DGKQ: variants seen among roughly 807,000 people sequenced by gnomAD.
DGKQ encodes the protein diacylglycerol kinase theta.
DGKQ carries 97 observed loss-of-function variants against 104.2 expected under a neutral mutation model. The ratio of observed to expected loss-of-function variants is 0.93; its 90% CI spans 0.79 to 1.10. DGKQ has a LOEUF of 1.10. DGKQ is among the 50% of genes least tolerant of loss of function. DGKQ has a pLI of 0.00. For missense variants in DGKQ, 1,465 were observed against 1,352.1 expected (o/e 1.08, Z -1.31); for synonymous variants, 736 against 595.2 (o/e 1.24, Z -3.44).
chr4:973,182 G>A (rs754535903), intron 1 of DGKQ, 30 bp downstream of exon 1: 2 of 1,516,378 alleles, frequency 1.3e-6, no homozygotes, highest in Non-Finnish European at 8.8e-7. Context: ...CAGGGCTGCA[G>A]CCGGGTAGGC....
chr4:966,883 T>G, intron 10 of DGKQ, 81 bp from the exon 11 acceptor site: 4 of 1,555,436 alleles, frequency 2.6e-6, no homozygotes. Flanking sequence ...ACGCCTGGGC[T>G]GGGATGGTGG....
intron 1 of DGKQ, among the ~76,000 whole-genome samples, chr4:972,478 C>G (rs1255917268): frequency 6.6e-6 from 1 of 152,214 alleles, no homozygotes; most frequent in Non-Finnish European, 1.5e-5. Context: ...GATAGCCCCT[C>G]CCACCTCAGC....
In DGKQ at chr4:962,798, G is replaced by A. The variant is rs771034111; in HGVS notation, c.2009C>T (p.Ser670Phe). 3 of 1,606,010 alleles carry A rather than the reference G, an allele frequency of 1.9e-6. No homozygotes were observed. Among genetic ancestry groups the A allele is most frequent in the African/African-American group, 1.3e-5 (1 of 74,856 alleles). Reference sequence around the variant, plus strand: ...TGTGCCCAGGGGCAGGATGGCCACAGAAGGCTCCGGGCAGGCCAGTCGGTA... The same window carrying A: ...TGTGCCCAGGGGCAGGATGGCCACAAAAGGCTCCGGGCAGGCCAGTCGGTA... ...TRYRLACPEP[S>F]VAILPLGTGN... Residue 670 changes from serine to phenylalanine, a missense_variant, in exon 17 of 23, where the codon TCT (serine) becomes TTT (phenylalanine). Transcript: ENST00000273814.
Position 960,848 on chromosome 4 carries a change from G to A in DGKQ, c.2728-127C>T, listed in dbSNP as rs919879511. 4 of 1,484,500 alleles carry A rather than the reference G, an allele frequency of 2.7e-6. No homozygotes were observed. In the Admixed American group the frequency reaches 6.5e-5, roughly 24 times the overall value. 92.0% of individuals were successfully genotyped at this position (1,484,500 alleles called of 1,614,324 possible). A position where few individuals can be genotyped will look rare whatever the true frequency, so the allele number is the denominator to read the frequency against. ...TCAGCCCCATTTCACGGAAGGGGAG[G>A]GACCTGTCTGGCTGCTCCCTGTGCC... On this transcript the variant is annotated intron_variant, in intron 22 of 22. Transcript: ENST00000273814.
At chr4:968,246 GCCCCAC>G in intron 5 of DGKQ, 30 bp downstream of exon 5, 12 of 765,182 alleles carry the variant, frequency 1.6e-5, no homozygotes, top group Non-Finnish European at 2.1e-5. Flanking sequence ...CACCTCTCCT[GCCCCAC>G]CCCCACCCCC....
rs750576062 is a variant in DGKQ, at chr4:965,289, C to T, written c.1621G>A (p.Ala541Thr). 1.4e-5 allele frequency: 23 copies of T among 1,612,322 alleles called. No individual in the cohort carries two copies. Among genetic ancestry groups the T allele is most frequent in the Middle Eastern group, 1.6e-4 (1 of 6,082 alleles). The change falls in exon 15 of 23, where the codon GCG becomes ACG. Residue 541 changes from alanine to threonine, a missense_variant and splice_region_variant. Ala to Thr is a moderately conservative substitution (Grantham distance 58). Coordinates refer to ENST00000273814, the MANE Select transcript of DGKQ (RefSeq NM_001347.4). Reference sequence around the variant, plus strand: ...AAGCAGGCAACGTCCAACACTACCGCGCCTGCGGCAGGAGCCCAGGACTCA... The same window carrying T: ...AAGCAGGCAACGTCCAACACTACCGTGCCTGCGGCAGGAGCCCAGGACTCA... ...SVSHIYSSQG[A>T]VVLDVACFAE...
rs781760189 is a variant in DGKQ at position 962,439 on chromosome 4, G to T, written c.2210C>A (p.Pro737His). The change falls in exon 18 of 23, where the codon CCC becomes CAC. Residue 737 changes from proline to histidine, a missense_variant. By Grantham distance (77) the Pro-to-His change is moderately conservative. Coordinates refer to ENST00000273814, the MANE Select transcript of DGKQ (RefSeq NM_001347.4). ...CCACGCCGGGCTGCCCTGTACCTTG[G>T]GGGGCTCTGCGTCTGCCGTGTCGTT... ...AENDTADAEP[P>H]KIVQMSNYCG... is the part of the protein sequence containing the mutation. 2 of 1,573,564 alleles carry T rather than the reference G, an allele frequency of 1.3e-6. No individual in the cohort carries two copies. Among genetic ancestry groups the T allele is most frequent in the East Asian group, 2.3e-5 (1 of 42,820 alleles).
At chr4:966,135 C>G (rs1009315963) in intron 12 of DGKQ, 57 bp from the exon 13 acceptor site, 83 of 1,510,298 alleles carry the variant, frequency 5.5e-5, no homozygotes, top group Non-Finnish European at 7.0e-5. Flanking sequence ...CCGCACCAGG[C>G]CCTCTGTCTC....
rs1435202975 is a variant in DGKQ, at chr4:973,556, C to T, written c.-74G>A. Reference sequence around the variant, plus strand: ...GGAGCCGCCGCTCCACGGCCCGGTACACTGCTTCCGACTGCGCCTGCCCCA... The same window carrying T: ...GGAGCCGCCGCTCCACGGCCCGGTATACTGCTTCCGACTGCGCCTGCCCCA... On this transcript the variant is annotated 5_prime_UTR_variant, in exon 1 of 23. Transcript: ENST00000273814. 2 of 982,440 alleles carry T rather than the reference C, an allele frequency of 2.0e-6. No homozygotes were observed. Among genetic ancestry groups the T allele is most frequent in the Non-Finnish European group, 2.4e-6 (2 of 827,432 alleles). 60.9% of individuals were successfully genotyped at this position (982,440 alleles called of 1,614,324 possible).
chr4:961,622 G>T (rs750447635), intron 20 of DGKQ, 44 bp from the exon 21 acceptor site: 2 of 1,610,168 alleles, frequency 1.2e-6, no homozygotes, highest in African/African-American at 2.7e-5. Flanking sequence ...GTGCAGGCAG[G>T]ACGAGGGCTG....
At position 966,821 on chromosome 4, in the gene DGKQ, G is replaced by A. The variant is rs1402233757; in HGVS notation, c.1312-19C>T. The A allele has an allele frequency of 2.5e-6, 4 of 1,605,332 alleles. No homozygotes were observed. Among genetic ancestry groups the A allele is most frequent in the Non-Finnish European group, 2.5e-6 (3 of 1,176,568 alleles). The stretch of plus-strand genomic sequence containing the variant: ...TCTCGGCCTGTTGGGGTAGAGCTTG[G>A]CATCGGGTCTGGGCAGGCCCCCACC... On this transcript the variant is annotated intron_variant, in intron 10 of 22. Coordinates refer to ENST00000273814, the MANE Select transcript of DGKQ (RefSeq NM_001347.4).
In DGKQ at chr4:960,652, C is replaced by T. The variant is rs1341829644; in HGVS notation, c.2797G>A (p.Ala933Thr). ...AGTTRDARAD[A>T]APAPESDPR ...GGATCGCTCTCAGGGGCAGGCGCAG[C>T]ATCCGCCCGGGCATCCCTGGTGGTC... The change falls in exon 23 of 23, where the codon GCT (alanine) becomes ACT (threonine). Residue 933 changes from alanine (A) to threonine (T), a missense_variant. Coordinates refer to ENST00000273814, the MANE Select transcript of DGKQ (RefSeq NM_001347.4). The T allele has an allele frequency of 1.2e-6, 2 of 1,612,186 alleles. No homozygotes were observed. The highest frequency in any genetic ancestry group is 2.2e-5 in the East Asian group (1 of 44,870).
At chr4:970,305 G>T (rs1040471782) in intron 2 of DGKQ, among the ~76,000 whole-genome samples, 2 of 152,262 alleles carry the variant, frequency 1.3e-5, no homozygotes, top group Non-Finnish European at 2.9e-5. Context: ...GACTTGGGGG[G>T]CCTCAGTCTG....
chr4:967,757 C>G lies in DGKQ; in HGVS notation c.857G>C (p.Gly286Ala). The G allele has an allele frequency of 6.2e-7, 1 of 1,609,958 alleles. No individual in the cohort carries two copies. The highest frequency in any genetic ancestry group is 1.3e-5 in the African/African-American group (1 of 75,016). ...GADGSAAVGPGRETQATPESG... is the reference protein window; with the variant it reads ...GADGSAAVGPARETQATPESG... ...CTCCGGAGTTGCCTGTGTCTCTCTG[C>G]CTGGACCCACGGCAGCGCTCCCGTC... The change falls in exon 7 of 23, where the codon GGC becomes GCC. Residue 286 changes from glycine to alanine, a missense_variant. Transcript: ENST00000273814.
Position 961,143 on chromosome 4 carries a change from C to G in DGKQ, c.2633G>C (p.Arg878Pro), listed in dbSNP as rs543054060. 1 of 1,606,258 alleles carries G rather than the reference C, an allele frequency of 6.2e-7. No homozygotes were observed. ...GIRIAQGSYF[R>P]VTLLKATPVQ... is the part of the protein sequence containing the mutation. ...CGGGGTGGCCTTGAGGAGCGTGACTCGGAAGTAGGAACCCTGGGCAATCCG... is the reference window on the plus strand; with the variant it reads ...CGGGGTGGCCTTGAGGAGCGTGACTGGGAAGTAGGAACCCTGGGCAATCCG... Residue 878 changes from arginine (R) to proline (P), a missense_variant, in exon 22 of 23, where the codon CGA becomes CCA. Coordinates refer to ENST00000273814, the MANE Select transcript of DGKQ (RefSeq NM_001347.4).
Position 973,213 on chromosome 4 carries a change from G to A in DGKQ, c.270C>T (p.Asp90=). ...FIWGLAGFLC[D]VCNFMSHEKC... is the part of the protein sequence containing the mutation. ...TAGGCATCGGGCCCGGGCGCTCACC[G>A]TCGCACAGGAAGCCGGCCAGCCCCC... is the stretch of plus-strand genomic sequence containing the variant. The change falls in exon 1 of 23, where the codon GAC becomes GAT. Residue 90 remains aspartate, a splice_region_variant and synonymous_variant. Coordinates refer to ENST00000273814, the MANE Select transcript of DGKQ (RefSeq NM_001347.4). 1 of 1,554,682 alleles carries A rather than the reference G, an allele frequency of 6.4e-7. No homozygotes were observed. Among genetic ancestry groups the A allele is most frequent in the Non-Finnish European group, 8.7e-7 (1 of 1,153,370 alleles).
chr4:963,089 C>A, intron 16 of DGKQ, 50 bp downstream of exon 16: 1 of 1,545,524 alleles, frequency 6.5e-7, no homozygotes, highest in African/African-American at 1.4e-5. Context: ...CCTCCTGGGG[C>A]CCTTCCCGCC....
At chr4:968,110 C>T (rs1712582008) in intron 5 of DGKQ, 83 bp from the exon 6 acceptor site, 3 of 1,115,272 alleles carry the variant, frequency 2.7e-6, no homozygotes, top group South Asian at 3.4e-5. Flanking sequence ...AAAGACCCCA[C>T]ACGACGCAGA....
Position 972,683 on chromosome 4 carries a change from G to A in DGKQ, c.271+529C>T, listed in dbSNP as rs372531685. Among the ~76,000 whole-genome samples the A allele has an allele frequency of 5.3e-5, 8 of 152,298 alleles. No individual in the cohort carries two copies. The East Asian group carries it at 7.7e-4, about 15-fold the overall frequency. On this transcript the variant is annotated intron_variant, in intron 1 of 22. Transcript: ENST00000273814. ...CCGCCTGCTTGCCGCGGGGGAAGAT[G>A]AGAGCCAGCCCTGGGAGCACCCGGG...
Sources: allele counts gnomAD v4.1 joint callset (sites outside exome capture counted in the v4.1 genomes callset), GRCh38; gene constraint gnomAD v4.1.1; transcripts MANE v1.5; gene names NCBI Gene and HGNC (gene_info 2026-07-23, HGNC 2026-07-21).